CDH10: variants seen among roughly 807,000 people sequenced by gnomAD.
CDH10 encodes the protein cadherin 10.
A neutral mutation model predicts 73.1 loss-of-function variants in CDH10; 30 were observed. The ratio of observed to expected loss-of-function variants is 0.41; its 90% CI spans 0.31 to 0.56. CDH10 has a LOEUF of 0.56. Among genes scored for constraint, CDH10 ranks in the 20% least tolerant of loss-of-function variants. CDH10 has a pLI of 0.27. For missense variants in CDH10, 815 were observed against 973.7 expected (o/e 0.84, Z 2.17); for synonymous variants, 345 against 348.2 (o/e 0.99, Z 0.10).
chr5:24,573,566 T>A (rs1289849188), intron 2 of CDH10, among the ~76,000 whole-genome samples: 1 of 151,426 alleles, frequency 6.6e-6, no homozygotes, highest in African/African-American at 2.4e-5. Flanking sequence ...CCGAGCGTGG[T>A]GGCGGGCACC....
chr5:24,514,284 T>G (rs1743025979), intron 5 of CDH10, among the ~76,000 whole-genome samples: 1 of 152,136 alleles, frequency 6.6e-6, no homozygotes, highest in Non-Finnish European at 1.5e-5. Context: ...CCCATTATAC[T>G]TAAAAGAAAA....
chr5:24,557,779 C>G (rs1561161635), intron 2 of CDH10, among the ~76,000 whole-genome samples: 1 of 151,762 alleles, frequency 6.6e-6, no homozygotes, highest in East Asian at 1.9e-4. Flanking sequence ...AAAATCCTCC[C>G]TGCTGAATCT....
rs537087053 is a variant in CDH10, at chr5:24,539,440, T to C, written c.232-1766A>G. Among the ~76,000 whole-genome samples the C allele has an allele frequency of 3.3e-5, 5 of 152,120 alleles. No individual in the cohort carries two copies. The South Asian group carries it at 8.3e-4, about 25-fold the overall frequency. On this transcript the variant is annotated intron_variant, in intron 2 of 11. Transcript: ENST00000264463. ...ATAAATAAAATTTTATGTGTATTTA[T>C]CTTTAATGCATGCTATTACTTGTTA... is the stretch of plus-strand genomic sequence containing the variant.
intron 1 of CDH10, among the ~76,000 whole-genome samples, chr5:24,597,844 C>T (rs1746424034): frequency 1.3e-5 from 2 of 151,886 alleles, no homozygotes; most frequent in Admixed American, 1.3e-4. Context: ...CACAGATGAT[C>T]AATTAAGCTA....
chr5:24,513,687 T>C (rs558518249), intron 5 of CDH10, among the ~76,000 whole-genome samples: 131 of 152,126 alleles, frequency 8.6e-4, no homozygotes, highest in African/African-American at 3.0e-3. Flanking sequence ...TCCCTTAGCC[T>C]GTATCCTTCA....
intron 5 of CDH10, among the ~76,000 whole-genome samples, chr5:24,516,291 G>A (rs6863021): frequency 0.015 from 2,224 of 152,080 alleles, 54 homozygotes; most frequent in African/African-American, 0.047. Context: ...TCAATTAGGT[G>A]TTTCTGCCAG....
intron 1 of CDH10, among the ~76,000 whole-genome samples, chr5:24,616,208 T>C (rs1036696650): frequency 6.6e-6 from 1 of 152,146 alleles, no homozygotes; most frequent in Non-Finnish European, 1.5e-5. Flanking sequence ...TAAACTTCCA[T>C]TTTCTCATTT....
intron 3 of CDH10, 70 bp downstream of exon 3, chr5:24,537,310 C>T (rs1321317710): frequency 1.0e-6 from 1 of 969,408 alleles, no homozygotes; most frequent in African/African-American, 1.7e-5. Flanking sequence ...ATTGATTATA[C>T]TATTATAAGA....
At chr5:24,566,581 G>A (rs12187078) in intron 2 of CDH10, among the ~76,000 whole-genome samples, 62,193 of 151,798 alleles carry the variant, frequency 0.41, 14,372 homozygotes, top group East Asian at 0.54. Flanking sequence ...TTTTGTCCAA[G>A]GTATGAGAAC....
chr5:24,639,083 A>T (rs1747958782), intron 1 of CDH10, among the ~76,000 whole-genome samples: 1 of 151,686 alleles, frequency 6.6e-6, no homozygotes, highest in Admixed American at 6.6e-5. Context: ...AAAACCCTTA[A>T]AATTCCTCAG....
chr5:24,566,959 C>T (rs1199388936), intron 2 of CDH10, among the ~76,000 whole-genome samples: 1 of 151,924 alleles, frequency 6.6e-6, no homozygotes, highest in East Asian at 1.9e-4. Context: ...TATCTTATAT[C>T]CAGAATATAT....
rs1554016940 is a variant in CDH10 at position 24,504,506 on chromosome 5, C to CTGTTTTTTTTTTTTTTTTTTTTTT, written c.1393+605_1393+606insAAAAAAAAAAAAAAAAAAAAAACA. Among the ~76,000 whole-genome samples, 6 of 65,206 alleles carry CTGTTTTTTTTTTTTTTTTTTTTTT rather than the reference C, an allele frequency of 9.2e-5. 2 individuals carry two copies. The highest frequency in any genetic ancestry group is 1.2e-4 in the African/African-American group (2 of 16,040). 42.8% of individuals were successfully genotyped at this position (65,206 alleles called of 152,430 possible). A position where few individuals can be genotyped will look rare whatever the true frequency, so the allele number is the denominator to read the frequency against. ...TATTAAATGCTTTTCTCCTATTAATCTTTTTTTTTTTTTTTTTTTTTTTTT... is the reference window on the plus strand; with the variant it reads ...TATTAAATGCTTTTCTCCTATTAATCTGTTTTTTTTTTTTTTTTTTTTTTTTTTTTTTTTTTTTTTTTTTTTTTT... On this transcript the variant is annotated intron_variant, in intron 8 of 11. Coordinates refer to ENST00000264463, the MANE Select transcript of CDH10 (RefSeq NM_006727.5).
At chr5:24,615,854 G>A (rs916874391) in intron 1 of CDH10, among the ~76,000 whole-genome samples, 1 of 152,158 alleles carries the variant, frequency 6.6e-6, no homozygotes, top group Admixed American at 6.6e-5. Context: ...GGCATGAGGA[G>A]GTCCTTACTG....
chr5:24,505,332 A>G, intron 7 of CDH10, 84 bp from the exon 8 acceptor site: 1 of 1,000,266 alleles, frequency 1.0e-6, no homozygotes, highest in South Asian at 1.3e-5. Flanking sequence ...ACCCACACAT[A>G]TCACTGATAA....
chr5:24,508,106 C>A (rs1386466094), intron 7 of CDH10, among the ~76,000 whole-genome samples: 3 of 152,094 alleles, frequency 2.0e-5, no homozygotes, highest in African/African-American at 7.2e-5. Context: ...TGAACAATAA[C>A]CATCTGAACT....
intron 1 of CDH10, among the ~76,000 whole-genome samples, chr5:24,611,390 T>C (rs1007914948): frequency 4.6e-5 from 7 of 152,034 alleles, no homozygotes; most frequent in African/African-American, 1.7e-4. Context: ...GAGACCAGCC[T>C]GGACAACACA....
intron 1 of CDH10, among the ~76,000 whole-genome samples, chr5:24,631,082 C>T (rs1181875325): frequency 6.6e-6 from 1 of 152,098 alleles, no homozygotes; most frequent in Non-Finnish European, 1.5e-5. Context: ...GAGCAATTTA[C>T]CACTATGCAG....
intron 2 of CDH10, among the ~76,000 whole-genome samples, chr5:24,584,445 C>CATT (rs1745912909): frequency 3.6e-5 from 1 of 28,080 alleles, no homozygotes; most frequent in Non-Finnish European, 8.0e-5. Context: ...CTTTCTTTTC[C>CATT]TTTTTTTTTT....
intron 5 of CDH10, among the ~76,000 whole-genome samples, chr5:24,519,119 G>A (rs1452337033): frequency 1.3e-5 from 2 of 151,620 alleles, no homozygotes; most frequent in African/African-American, 2.4e-5. Context: ...TCAAATTCCT[G>A]GCCTCAAGAG....
Sources: allele counts gnomAD v4.1 joint callset (sites outside exome capture counted in the v4.1 genomes callset), GRCh38; gene constraint gnomAD v4.1.1; transcripts MANE v1.5; gene names NCBI Gene and HGNC (gene_info 2026-07-23, HGNC 2026-07-21).